Variants in THEMIS observed in about 807,000 individuals in gnomAD.
THEMIS encodes protein THEMIS.
In THEMIS, 37 loss-of-function variants were observed where a neutral mutation model predicts 52.6. The ratio of observed to expected loss-of-function variants is 0.70; its 90% CI spans 0.54 to 0.93. THEMIS has a LOEUF of 0.93. Ranked by LOEUF, THEMIS falls within the 40% of genes least tolerant of loss-of-function variation. THEMIS has a pLI of 0.00. For missense variants in THEMIS, 808 were observed against 763.1 expected (o/e 1.06, Z -0.69); for synonymous variants, 292 against 272.7 (o/e 1.07, Z -0.70).
At chr6:127,898,338 T>C (rs921122240) in intron 1 of THEMIS, among the ~76,000 whole-genome samples, 1 of 151,796 alleles carries the variant, frequency 6.6e-6, no homozygotes, top group Non-Finnish European at 1.5e-5. Flanking sequence ...ATATAGAATG[T>C]CAATTCTTTC....
At chr6:127,903,067 T>C (rs953048629), upstream of THEMIS, among the ~76,000 whole-genome samples, 4 of 152,070 alleles carry the variant, frequency 2.6e-5, no homozygotes, top group Admixed American at 6.6e-5. Context: ...TCTTAATTAA[T>C]GACACTGCTA....
At chr6:127,853,019 C>G (rs1779483727) in intron 2 of THEMIS, among the ~76,000 whole-genome samples, 1 of 151,568 alleles carries the variant, frequency 6.6e-6, no homozygotes, top group African/African-American at 2.4e-5. Flanking sequence ...TTTCACTATT[C>G]TAATAAGAAA....
intron 2 of THEMIS, among the ~76,000 whole-genome samples, chr6:127,837,656 A>T (rs146624774): frequency 0.019 from 2,902 of 152,058 alleles, 108 homozygotes; most frequent in African/African-American, 0.066. Flanking sequence ...TCTCAAAAAA[A>T]TTTTAACAAA....
chr6:127,706,957 G>A (rs1179022323), downstream of THEMIS, among the ~76,000 whole-genome samples: 4 of 152,080 alleles, frequency 2.6e-5, no homozygotes, highest in African/African-American at 4.8e-5. Context: ...ATTTATAAAG[G>A]AAATAGGTTT....
At chr6:127,717,492 T>A (rs1018394256) in intron 5 of THEMIS, among the ~76,000 whole-genome samples, 2 of 151,842 alleles carry the variant, frequency 1.3e-5, no homozygotes, top group African/African-American at 4.8e-5. Flanking sequence ...CAAGAGTGAA[T>A]CAAGGACCCA....
chr6:127,759,424 T>C (rs985328853), intron 4 of THEMIS, among the ~76,000 whole-genome samples: 1 of 152,188 alleles, frequency 6.6e-6, no homozygotes, highest in Admixed American at 6.5e-5. Flanking sequence ...AGGGGTGAAG[T>C]TGGGTGTTCA....
At chr6:127,804,813 G>A (rs1167580286) in intron 4 of THEMIS, among the ~76,000 whole-genome samples, 1 of 152,068 alleles carries the variant, frequency 6.6e-6, no homozygotes, top group African/African-American at 2.4e-5. Context: ...ATACTTTTAA[G>A]ACATTAATTA....
chr6:127,794,583 C>T (rs1442404860), intron 4 of THEMIS, among the ~76,000 whole-genome samples: 1 of 152,198 alleles, frequency 6.6e-6, no homozygotes, highest in East Asian at 1.9e-4. Context: ...GACTGTGCCA[C>T]TATGCCTGTC....
the THEMIS span, among the ~76,000 whole-genome samples, chr6:127,697,965 T>C: frequency 6.6e-6 from 1 of 152,178 alleles, no homozygotes; most frequent in Non-Finnish European, 1.5e-5. Context: ...CCTGGGCTTA[T>C]GTATGTTTGG....
chr6:127,767,897 A>G (rs547343591), intron 4 of THEMIS, among the ~76,000 whole-genome samples: 1 of 152,170 alleles, frequency 6.6e-6, no homozygotes, highest in East Asian at 1.9e-4. Flanking sequence ...ACTAGGTGAA[A>G]CAAGTTTTTC....
chr6:127,902,338 A>AAAAT (rs1554248912), upstream of THEMIS, among the ~76,000 whole-genome samples: 6 of 148,752 alleles, frequency 4.0e-5, no homozygotes, highest in Non-Finnish European at 7.5e-5. Flanking sequence ...AAAAAAAAAA[A>AAAAT]AAAAAAATAA....
intron 1 of THEMIS, among the ~76,000 whole-genome samples, chr6:127,895,461 T>C (rs1780936287): frequency 1.3e-5 from 2 of 151,568 alleles, no homozygotes. Flanking sequence ...ACTAATCGTA[T>C]TTAACTGCAT....
chr6:127,704,881 C>T (rs1393424238), downstream of THEMIS, among the ~76,000 whole-genome samples: 2 of 152,166 alleles, frequency 1.3e-5, no homozygotes, highest in African/African-American at 4.8e-5. Flanking sequence ...TGAAGTGGAT[C>T]CATTCATGTA....
chr6:127,770,255 C>T (rs1435771022), intron 4 of THEMIS, among the ~76,000 whole-genome samples: 8 of 152,190 alleles, frequency 5.3e-5, no homozygotes, highest in Admixed American at 2.0e-4. Flanking sequence ...TAAAAGCATT[C>T]GTATTTCTCC....
In THEMIS at chr6:127,750,538, AT is replaced by A. The variant is rs556349662; in HGVS notation, c.1759-30716del. Among the ~76,000 whole-genome samples, 17 of 151,654 alleles carry A rather than the reference AT, an allele frequency of 1.1e-4. 1 individual carries two copies. In the East Asian group the frequency reaches 2.7e-3, roughly 24 times the overall value. ...TCAATGCATTATTAATACAAGAGCT[AT>A]TTTTTTTAGTAAAGGTATGTATTTG... On this transcript the variant is annotated intron_variant, in intron 4 of 5. Coordinates refer to ENST00000368248, the MANE Select transcript of THEMIS (RefSeq NM_001010923.3).
At chr6:127,863,694 G>T (rs956385059) in intron 1 of THEMIS, among the ~76,000 whole-genome samples, 2 of 152,120 alleles carry the variant, frequency 1.3e-5, no homozygotes, top group Non-Finnish European at 2.9e-5. Context: ...TGGAGTTGTG[G>T]AACATGGAAT....
chr6:127,842,782 CT>C (rs1045349825), intron 2 of THEMIS, among the ~76,000 whole-genome samples: 1 of 151,904 alleles, frequency 6.6e-6, no homozygotes, highest in African/African-American at 2.4e-5. Flanking sequence ...CCAGCAACCC[CT>C]TATTTGGGGT....
At chr6:127,867,566 T>C (rs1780022057) in intron 1 of THEMIS, among the ~76,000 whole-genome samples, 3 of 152,098 alleles carry the variant, frequency 2.0e-5, no homozygotes, top group Non-Finnish European at 4.4e-5. Flanking sequence ...AATAGATATT[T>C]GACACATGAA....
intron 1 of THEMIS, among the ~76,000 whole-genome samples, chr6:127,880,512 GAA>G (rs35918303): frequency 9.2e-6 from 1 of 108,746 alleles, no homozygotes; most frequent in Non-Finnish European, 1.9e-5. Flanking sequence ...GAGTCCTGAG[GAA>G]AAAAAAAAAA....
Sources: gnomAD v4.1 joint callset for allele counts (sites outside exome capture counted in the v4.1 genomes callset) on GRCh38, gnomAD v4.1.1 for gene constraint, MANE v1.5 for transcripts, NCBI Gene and HGNC (gene_info 2026-07-23, HGNC 2026-07-21) for gene names.